The following MR1 variants were observed in gnomAD, a reference collection of about 807,000 sequenced individuals.
The protein encoded by MR1 is major histocompatibility complex, class I-related, also known as major histocompatibility complex class I-related protein 1.
A neutral mutation model predicts 37.8 loss-of-function variants in MR1; 44 were observed. The observed-to-expected ratio is 1.16, with a 90% CI of 0.91 to 1.50. The LOEUF (loss-of-function observed/expected upper bound fraction) is 1.50, where lower values mean the gene tolerates loss of function less well. Among genes scored for constraint, MR1 ranks in the 40% most tolerant of loss-of-function variants. The pLI is 0.00. For synonymous variants in MR1, 153 were observed against 155.8 expected (o/e 0.98, Z 0.13); for missense variants, 386 against 419.1 (o/e 0.92, Z 0.69).
At chr1:181,046,679 C>T (rs1053855307) in intron 1 of MR1, among the ~76,000 whole-genome samples, 14 of 152,064 alleles carry the variant, frequency 9.2e-5, no homozygotes, top group Non-Finnish European at 2.1e-4. Flanking sequence ...GGTCCGCTTC[C>T]ACACTGTGGA....
At chr1:181,033,754 A>G (rs1468372929), upstream of MR1, 1 of 373,354 alleles carries the variant, frequency 2.7e-6, no homozygotes, top group African/African-American at 2.1e-5. Flanking sequence ...ATGCTCCATA[A>G]ATATTTAAAA....
chr1:181,059,438 A>G lies in MR1; in HGVS notation c.*4173A>G, dbSNP rs1658800325. ...AACAATACCCATTTTATTTTCTTTC[A>G]TAGTTTCTATGGGTCAGGAATTTGG... On this transcript the variant is annotated 3_prime_UTR_variant, in exon 6 of 6. Transcript: ENST00000367580. The G allele has an allele frequency of 2.0e-5, 3 of 152,170 alleles. No individual in the cohort carries two copies. The highest frequency in any genetic ancestry group is 1.3e-4 in the Admixed American group (2 of 15,274). 9.4% of individuals were successfully genotyped at this position (152,170 alleles called of 1,614,324 possible).
chr1:181,047,777 G>C (rs1657990894), intron 1 of MR1, among the ~76,000 whole-genome samples: 2 of 150,594 alleles, frequency 1.3e-5, no homozygotes, highest in African/African-American at 4.9e-5. Context: ...GCACGCGCCT[G>C]TAGTCCCAGC....
chr1:181,047,663 C>G lies in MR1; in HGVS notation c.68-1389C>G, dbSNP rs989469025. 7.3e-5 allele frequency among the ~76,000 whole-genome samples: 11 copies of G among 151,270 alleles called. No homozygotes were observed. The East Asian group carries it at 2.2e-3, about 30-fold the overall frequency. ...CCATAATCCCAGCACTTTGGGAGGC[C>G]AAGGCAGGCGGATCACGAGGTCAGG... On this transcript the variant is annotated intron_variant, in intron 1 of 5. Coordinates refer to ENST00000367580, the MANE Select transcript of MR1 (RefSeq NM_001385161.1).
intron 1 of MR1, among the ~76,000 whole-genome samples, chr1:181,036,563 T>A (rs1022557911): frequency 2.0e-5 from 3 of 152,180 alleles, no homozygotes. Flanking sequence ...ACTGCAGGGT[T>A]GTGGGTCATT....
rs59353588 is a variant in MR1 at position 181,050,661 on chromosome 1, G to C, written c.604+375G>C. On this transcript the variant is annotated intron_variant, in intron 3 of 5. Transcript: ENST00000367580. The stretch of plus-strand genomic sequence containing the variant: ...CACCACCAGTAGGAGTAAAAATCTG[G>C]ATTTACCAAGACAAACAGAAGGTCT... 6.2e-3 allele frequency: 1,693 copies of C among 273,370 alleles called. 23 individuals carry two copies. The highest frequency in any genetic ancestry group is 0.034 in the African/African-American group (1,550 of 45,576). The allele number at this position is 273,370 out of a possible 1,614,324, so 16.9% of individuals were successfully genotyped here. A position where few individuals can be genotyped will look rare whatever the true frequency, so the allele number is the denominator to read the frequency against.
At chr1:181,037,184 TGGA>T (rs1035338438) in intron 1 of MR1, 1 of 152,230 alleles carries the variant, frequency 6.6e-6, no homozygotes, top group Non-Finnish European at 1.5e-5. Context: ...TCATGAATGG[TGGA>T]GTCCTTCACA....
intron 1 of MR1, among the ~76,000 whole-genome samples, chr1:181,045,280 C>T (rs1015677340): frequency 3.5e-4 from 54 of 152,140 alleles, no homozygotes; most frequent in African/African-American, 1.3e-3. Flanking sequence ...TGGGCATCTG[C>T]AGACACCGGC....
chr1:181,045,637 T>G (rs1204561284), intron 1 of MR1, among the ~76,000 whole-genome samples: 1 of 152,096 alleles, frequency 6.6e-6, no homozygotes, highest in Non-Finnish European at 1.5e-5. Context: ...CACACCAGCT[T>G]GGATCCCATA....
intron 2 of MR1, 185 bp from the exon 3 acceptor site, chr1:181,049,826 A>G: frequency 1.6e-6 from 1 of 636,172 alleles, no homozygotes; most frequent in East Asian, 2.7e-5. Context: ...GGTACTTCAC[A>G]GATACCTGCT....
intron 1 of MR1, among the ~76,000 whole-genome samples, chr1:181,042,060 C>G (rs1346594645): frequency 6.6e-6 from 1 of 152,128 alleles, no homozygotes; most frequent in Non-Finnish European, 1.5e-5. Flanking sequence ...TTGTGTACCT[C>G]CAGTGTAGCC....
chr1:181,048,243 A>T (rs1242843277), intron 1 of MR1, among the ~76,000 whole-genome samples: 1 of 114,404 alleles, frequency 8.7e-6, no homozygotes, highest in Non-Finnish European at 1.8e-5. Context: ...TAAAATAAAT[A>T]AATAAATTTC....
intron 5 of MR1, among the ~76,000 whole-genome samples, chr1:181,054,553 AG>A (rs376270208): frequency 3.9e-5 from 6 of 152,340 alleles, no homozygotes; most frequent in South Asian, 4.1e-4. Flanking sequence ...CCCTTTTACT[AG>A]AAAATCAGCT....
At chr1:181,034,645 A>G (rs1657177175) in intron 1 of MR1, among the ~76,000 whole-genome samples, 1 of 152,060 alleles carries the variant, frequency 6.6e-6, no homozygotes, top group Middle Eastern at 3.4e-3. Flanking sequence ...TGTTGCCTCA[A>G]ATAGGGGAAA....
Position 181,041,120 on chromosome 1 carries a change from TAAAG to T in MR1, c.67+7047_67+7050del, listed in dbSNP as rs1431410827. On this transcript the variant is annotated intron_variant, in intron 1 of 5. Transcript: ENST00000367580. The stretch of plus-strand genomic sequence containing the variant: ...ATAAATAAATAAATAAATAAATAAA[TAAAG>T]CACAATACTTACTTGGACAGTATTG... Among the ~76,000 whole-genome samples, 3 of 134,944 alleles carry T rather than the reference TAAAG, an allele frequency of 2.2e-5. No homozygotes were observed. In the East Asian group the frequency reaches 7.1e-4, roughly 32 times the overall value. 88.5% of individuals were successfully genotyped at this position (134,944 alleles called of 152,430 possible). A position where few individuals can be genotyped will look rare whatever the true frequency, so the allele number is the denominator to read the frequency against.
chr1:181,049,420 G>A, intron 2 of MR1, 108 bp downstream of exon 2: 6 of 1,376,956 alleles, frequency 4.4e-6, no homozygotes, highest in Non-Finnish European at 5.9e-6. Flanking sequence ...CTGTAGCTTT[G>A]GCAAAGCCTG....
chr1:181,041,807 T>C (rs991016661), intron 1 of MR1, among the ~76,000 whole-genome samples: 5 of 152,244 alleles, frequency 3.3e-5, no homozygotes, highest in African/African-American at 9.6e-5. Context: ...AGTTTTATTT[T>C]TCTTCACTGT....
intron 4 of MR1, among the ~76,000 whole-genome samples, 199 bp from the exon 5 acceptor site, chr1:181,053,374 G>A (rs1038541427): frequency 3.0e-5 from 4 of 135,004 alleles, no homozygotes; most frequent in African/African-American, 6.1e-5. Context: ...AGAGTGAGAC[G>A]CTGTCTCAAA....
At chr1:181,042,272 G>A (rs1480901845) in intron 1 of MR1, among the ~76,000 whole-genome samples, 1 of 147,346 alleles carries the variant, frequency 6.8e-6, no homozygotes, top group Non-Finnish European at 1.5e-5. Flanking sequence ...GCGCGATCTC[G>A]GCTCACCACA....
Sources: allele counts gnomAD v4.1 joint callset (sites outside exome capture counted in the v4.1 genomes callset), GRCh38; gene constraint gnomAD v4.1.1; transcripts MANE v1.5; gene names NCBI Gene and HGNC (gene_info 2026-07-23, HGNC 2026-07-21).